Variants in UPB1 observed in about 807,000 individuals in gnomAD.
UPB1 encodes beta-ureidopropionase 1, also known as beta-ureidopropionase.
UPB1 carries 40 observed loss-of-function variants against 49.1 expected under a neutral mutation model. The observed-to-expected ratio is 0.81, with a 90% CI of 0.63 to 1.06. The LOEUF is 1.06. Among genes scored for constraint, UPB1 ranks in the 50% least tolerant of loss-of-function variants. The pLI is 0.00. For missense variants in UPB1, 499 were observed against 505.9 expected, an observed-to-expected ratio of 0.99 and a Z score of 0.13; for synonymous variants, 207 against 198.2, an observed-to-expected ratio of 1.04 and a Z score of -0.38.
At position 24,500,295 on chromosome 22, in the gene UPB1, C is replaced by T. The variant is rs777455606; in HGVS notation, c.276+17C>T. 5 of 1,613,470 alleles carry T rather than the reference C, an allele frequency of 3.1e-6. No homozygotes were observed. Among genetic ancestry groups the T allele is most frequent in the Non-Finnish European group, 3.4e-6 (4 of 1,180,018 alleles). ...GCAGAACAGGTGCAGACTCTTTTGA[C>T]CATAATAAATACACAAACAGGGTTG... On this transcript the variant is annotated intron_variant, in intron 2 of 9. Coordinates refer to ENST00000326010, the MANE Select transcript of UPB1 (RefSeq NM_016327.3).
At chr22:24,510,208 G>A (rs2044172392) in intron 3 of UPB1, among the ~76,000 whole-genome samples, 1 of 150,892 alleles carries the variant, frequency 6.6e-6, no homozygotes, top group Non-Finnish European at 1.5e-5. Flanking sequence ...ACTCTGGCCT[G>A]GGCAACAAGA....
Position 24,526,441 on chromosome 22 carries a change from GC to G in UPB1, c.*649del, listed in dbSNP as rs2044482503. The G allele has an allele frequency of 6.3e-6, 1 of 158,434 alleles. No individual in the cohort carries two copies. Among genetic ancestry groups the G allele is most frequent in the Middle Eastern group, 3.4e-3 (1 of 298 alleles). 9.8% of individuals were successfully genotyped at this position (158,434 alleles called of 1,614,324 possible). On this transcript the variant is annotated 3_prime_UTR_variant, in exon 10 of 10. Coordinates refer to ENST00000326010, the MANE Select transcript of UPB1 (RefSeq NM_016327.3). ...AGGGTTTCCCTGAGGAAGAAATTCT[GC>G]CTGAGGACAGCAGCCCAGTGCTTGG...
chr22:24,518,803 T>C (rs1272782259), intron 6 of UPB1, among the ~76,000 whole-genome samples: 2 of 152,226 alleles, frequency 1.3e-5, no homozygotes, highest in African/African-American at 4.8e-5. Flanking sequence ...TGTACATTCA[T>C]TGGCAAGTCA....
intron 9 of UPB1, 24 bp from the exon 10 acceptor site, chr22:24,525,687 A>C (rs1422835294): frequency 1.2e-6 from 2 of 1,614,058 alleles, no homozygotes; most frequent in South Asian, 2.2e-5. Context: ...GAACCTCTAA[A>C]GTACATCTGT....
At chr22:24,497,586 A>AC (rs2043915520) in intron 1 of UPB1, among the ~76,000 whole-genome samples, 1 of 152,056 alleles carries the variant, frequency 6.6e-6, no homozygotes, top group Admixed American at 6.6e-5. Flanking sequence ...TACTCCTTGA[A>AC]GTTTGAAGGG....
chr22:24,505,687 A>G (rs1254342508), intron 3 of UPB1, among the ~76,000 whole-genome samples: 2 of 152,016 alleles, frequency 1.3e-5, no homozygotes, highest in African/African-American at 2.4e-5. Context: ...AAGGACCTGG[A>G]TTTCTAACTG....
chr22:24,506,523 C>T (rs776174583), intron 3 of UPB1, among the ~76,000 whole-genome samples: 5 of 152,182 alleles, frequency 3.3e-5, no homozygotes, highest in Non-Finnish European at 5.9e-5. Context: ...CCCGTGTTTC[C>T]GTGCCTCAGT....
At position 24,521,986 on chromosome 22, in the gene UPB1, G is replaced by A; in HGVS notation, c.874G>A (p.Glu292Lys). 6.2e-7 allele frequency: 1 copy of A among 1,614,114 alleles called. No homozygotes were observed. The highest frequency in any genetic ancestry group is 1.1e-5 in the South Asian group (1 of 91,072). The change falls in exon 8 of 10, where the codon GAG becomes AAG. Residue 292 changes from glutamate to lysine, a missense_variant and splice_region_variant. Glu to Lys is a moderately conservative substitution (Grantham distance 56). Coordinates refer to ENST00000326010, the MANE Select transcript of UPB1 (RefSeq NM_016327.3). ...CTCTTACCTTGGTCTTATTTCACAG[G>A]AGCACTTCCCGAACGAGTTTACCTC... ...FTCAINRVGT[E>K]HFPNEFTSGD...
chr22:24,498,467 A>G (rs1337504416), intron 1 of UPB1, among the ~76,000 whole-genome samples: 1 of 152,214 alleles, frequency 6.6e-6, no homozygotes, highest in Non-Finnish European at 1.5e-5. Flanking sequence ...CCTTACAGGT[A>G]CTGCCCAGAT....
At chr22:24,507,415 G>C (rs1472482346) in intron 3 of UPB1, among the ~76,000 whole-genome samples, 1 of 152,080 alleles carries the variant, frequency 6.6e-6, no homozygotes, top group Admixed American at 6.5e-5. Context: ...TACTCTCTTA[G>C]GACCAGGCTT....
chr22:24,521,924 C>T lies in UPB1; in HGVS notation c.874-62C>T, dbSNP rs1238432523. The T allele has an allele frequency of 8.9e-6, 14 of 1,566,912 alleles. No individual in the cohort carries two copies. In the Admixed American group the frequency reaches 2.4e-4, roughly 26 times the overall value. On this transcript the variant is annotated intron_variant, in intron 7 of 9. Coordinates refer to ENST00000326010, the MANE Select transcript of UPB1 (RefSeq NM_016327.3). The stretch of plus-strand genomic sequence containing the variant: ...TGCCCTGCTCATCTGGCTGAGTGAG[C>T]TGGAATGAGTGTAGTGGTAGTGCCA...
Position 24,496,944 on chromosome 22 carries a change from G to A in UPB1, c.104+1437G>A, listed in dbSNP as rs533589977. Reference sequence around the variant, plus strand: ...GAGGTAAGGCCTGAGCTGAGGGGAAGCATGTGTGGAAGCTCCCTAGGCAGC... The same window carrying A: ...GAGGTAAGGCCTGAGCTGAGGGGAAACATGTGTGGAAGCTCCCTAGGCAGC... On this transcript the variant is annotated intron_variant, in intron 1 of 9. Transcript: ENST00000326010. Among the ~76,000 whole-genome samples the A allele has an allele frequency of 2.0e-5, 3 of 152,184 alleles. No homozygotes were observed. In the East Asian group the frequency reaches 5.8e-4, roughly 29 times the overall value.
At chr22:24,508,811 G>A (rs552178422) in intron 3 of UPB1, among the ~76,000 whole-genome samples, 26 of 152,144 alleles carry the variant, frequency 1.7e-4, no homozygotes, top group African/African-American at 6.0e-4. Flanking sequence ...AACCCAGGAG[G>A]TGGAGGTTTC....
rs767612518 is a variant in UPB1, at chr22:24,513,325, T to C, written c.461T>C (p.Leu154Pro). 1 of 1,614,214 alleles carries C rather than the reference T, an allele frequency of 6.2e-7. No individual in the cohort carries two copies. The highest frequency in any genetic ancestry group is 1.7e-5 in the Admixed American group (1 of 60,036). ...CTGCCATATTTATCATTTTTCCAGC[T>C]GGCGAAGAACCATGACATGGTGGTG... ...DGPTTRFCQK[L>P]AKNHDMVVVS... is the part of the protein sequence containing the mutation. Residue 154 changes from leucine (L) to proline (P), a missense_variant and splice_region_variant, in exon 5 of 10, where the codon CTG (leucine) becomes CCG (proline). By Grantham distance (98) the Leu-to-Pro change is moderately conservative (BLOSUM62 -3). Transcript: ENST00000326010.
At chr22:24,495,605 G>C in intron 1 of UPB1, 98 bp downstream of exon 1, 3 of 1,345,574 alleles carry the variant, frequency 2.2e-6, no homozygotes, top group Non-Finnish European at 2.1e-6. Context: ...AAGGGCTCAG[G>C]GGAGGCGGTG....
intron 6 of UPB1, chr22:24,518,266 G>A (rs2044331368): frequency 6.6e-6 from 1 of 152,188 alleles, no homozygotes; most frequent in Non-Finnish European, 1.5e-5. Context: ...GCACATTACA[G>A]CCCACCTCTT....
chr22:24,520,329 A>G, intron 6 of UPB1, 58 bp from the exon 7 acceptor site: 1 of 1,584,976 alleles, frequency 6.3e-7, no homozygotes, highest in Non-Finnish European at 8.6e-7. Context: ...AGGGCTGAGC[A>G]TCCACTGAGT....
At position 24,510,823 on chromosome 22, in the gene UPB1, A is replaced by G. The variant is rs866596489; in HGVS notation, c.439A>G (p.Thr147Ala). The G allele has an allele frequency of 6.2e-7, 1 of 1,614,224 alleles. No homozygotes were observed. The highest frequency in any genetic ancestry group is 1.6e-4 in the Middle Eastern group (1 of 6,062). The change falls in exon 4 of 10, where the codon ACC becomes GCC. Residue 147 changes from threonine to alanine, a missense_variant. By Grantham distance (58) the Thr-to-Ala change is moderately conservative (BLOSUM62 0). Transcript: ENST00000326010. ...EFAESAEDGP[T>A]TRFCQKLAKN... is the part of the protein sequence containing the mutation. ...TGCTGAGTCAGCAGAGGATGGGCCC[A>G]CCACCAGATTCTGTCAGAAGGTAGG...
intron 2 of UPB1, 92 bp downstream of exon 2, chr22:24,500,370 G>T: frequency 6.4e-7 from 1 of 1,568,358 alleles, no homozygotes; most frequent in Non-Finnish European, 8.7e-7. Context: ...CGCATACTCC[G>T]GGTCTGCAGG....
Sources: gnomAD v4.1 joint callset for allele counts (sites outside exome capture counted in the v4.1 genomes callset) on GRCh38, gnomAD v4.1.1 for gene constraint, MANE v1.5 for transcripts, NCBI Gene and HGNC (gene_info 2026-07-23, HGNC 2026-07-21) for gene names.